The following COL12A1 variants were observed in gnomAD, a reference collection of about 807,000 sequenced individuals.
The protein encoded by COL12A1 is collagen alpha-1(XII) chain.
Under a neutral mutation model 349.7 loss-of-function variants are expected in COL12A1, and 114 were observed. That is an observed-to-expected ratio of 0.33 (90% confidence interval 0.28 to 0.38). COL12A1 has a LOEUF of 0.38. Among genes scored for constraint, COL12A1 ranks in the 10% least tolerant of loss-of-function variants. The pLI, the probability that COL12A1 is intolerant of heterozygous loss-of-function variation, is 1.00. For missense variants in COL12A1, 3,284 were observed against 3,756.9 expected, an observed-to-expected ratio of 0.87 and a Z score of 3.29; for synonymous variants, 1,369 against 1,329.0, an observed-to-expected ratio of 1.03 and a Z score of -0.66.
At chr6:75,102,336 C>T (rs530310744) in intron 56 of COL12A1, among the ~76,000 whole-genome samples, 1 of 152,148 alleles carries the variant, frequency 6.6e-6, no homozygotes, top group African/African-American at 2.4e-5. Context: ...TATAGTTTAA[C>T]ATAGGGGATA....
chr6:75,102,513 T>C, intron 56 of COL12A1, 84 bp downstream of exon 56: 1 of 1,122,820 alleles, frequency 8.9e-7, no homozygotes, highest in Non-Finnish European at 1.2e-6. Context: ...AGAAAACATT[T>C]GATTTGGCAA....
At chr6:75,115,688 C>T (rs1582072999) in intron 49 of COL12A1, 96 bp downstream of exon 49, 2 of 1,446,472 alleles carry the variant, frequency 1.4e-6, no homozygotes, top group South Asian at 2.8e-5. Flanking sequence ...AGTCTTCTGA[C>T]AATTCTAAAG....
Position 75,122,150 on chromosome 6 carries a change from G to T in COL12A1, c.6947-709C>A, listed in dbSNP as rs1486926371. Among the ~76,000 whole-genome samples the T allele has an allele frequency of 2.0e-5, 3 of 152,076 alleles. No individual in the cohort carries two copies. In the South Asian group the frequency reaches 6.2e-4, roughly 31 times the overall value. On this transcript the variant is annotated intron_variant, in intron 43 of 65. Coordinates refer to ENST00000322507, the MANE Select transcript of COL12A1 (RefSeq NM_004370.6). Reference sequence around the variant, plus strand: ...GCCACCGCACCTGGCCAAGTCCTTTGTAAAATTTAAATTAAGCCACTAGAA... The same window carrying T: ...GCCACCGCACCTGGCCAAGTCCTTTTTAAAATTTAAATTAAGCCACTAGAA...
chr6:75,174,291 C>T (rs2149450294), intron 13 of COL12A1, among the ~76,000 whole-genome samples: 1 of 152,282 alleles, frequency 6.6e-6, no homozygotes, highest in East Asian at 1.9e-4. Flanking sequence ...GGCGCGGTGG[C>T]TCAGGCCTGT....
intron 36 of COL12A1, 86 bp downstream of exon 36, chr6:75,130,766 A>AC (rs1049645489): frequency 1.4e-5 from 21 of 1,545,048 alleles, no homozygotes; most frequent in Non-Finnish European, 1.7e-5. Flanking sequence ...ATCTCTCACC[A>AC]CCCCCCTCCC....
rs983845739 is a variant in COL12A1 at position 75,102,045 on chromosome 6, T to C, written c.8423A>G (p.Gln2808Arg). The C allele has an allele frequency of 6.2e-7, 1 of 1,614,108 alleles. No individual in the cohort carries two copies. The highest frequency in any genetic ancestry group is 1.3e-5 in the African/African-American group (1 of 75,060). The stretch of plus-strand genomic sequence containing the variant: ...CTCTCCAGCATCACCTTTCATCCCT[T>C]GGCGACCCTAGAGTGAGCAATGGGA... ...GLSIPGEQGR[Q>R]GMKGDAGEPG... is the part of the protein sequence containing the mutation. Residue 2808 changes from glutamine (Q) to arginine (R), a missense_variant, in exon 57 of 66, where the codon CAA (glutamine) becomes CGA (arginine). By Grantham distance (43) the Gln-to-Arg change is conservative. Around this residue, in one of 2 missense-constraint regions of COL12A1, gnomAD observed 683 missense variants for 932.1 expected, o/e 0.73. Coordinates refer to ENST00000322507, the MANE Select transcript of COL12A1 (RefSeq NM_004370.6).
chr6:75,200,367 G>A (rs1244589724), intron 2 of COL12A1, among the ~76,000 whole-genome samples: 1 of 152,160 alleles, frequency 6.6e-6, no homozygotes, highest in South Asian at 2.1e-4. Flanking sequence ...GAGGCCAGGG[G>A]TTCGAGACCA....
At chr6:75,095,489 C>T (rs1397264975) in intron 59 of COL12A1, among the ~76,000 whole-genome samples, 2 of 151,538 alleles carry the variant, frequency 1.3e-5, no homozygotes, top group Non-Finnish European at 2.9e-5. Flanking sequence ...CGGTGGCGGG[C>T]GCCTGTAGTC....
chr6:75,145,298 A>T, intron 25 of COL12A1, 28 bp downstream of exon 25: 3 of 1,554,120 alleles, frequency 1.9e-6, no homozygotes, highest in Non-Finnish European at 2.6e-6. Flanking sequence ...AGCAATAAGA[A>T]GGGAAATAAA....
rs750550229 is a variant in COL12A1, at chr6:75,133,414, G to C, written c.5673C>G (p.Ile1891Met). 62 of 1,605,278 alleles carry C rather than the reference G, an allele frequency of 3.9e-5. No homozygotes were observed. The highest frequency in any genetic ancestry group is 5.2e-5 in the Non-Finnish European group (61 of 1,177,634). Residue 1891 changes from isoleucine to methionine, a missense_variant, in exon 34 of 66, where the codon ATC becomes ATG. Ile to Met is a conservative substitution (Grantham distance 10, BLOSUM62 1). Coordinates refer to ENST00000322507, the MANE Select transcript of COL12A1 (RefSeq NM_004370.6). ...AAGGPEELVP[I>M]PGNTNYAILR... ...GAATGGCATAATTGGTATTCCCGGG[G>C]ATTGGTACCTAAAGATTTTAATAAA...
Position 75,085,565 on chromosome 6 carries a change from A to T in COL12A1, c.*982T>A, listed in dbSNP as rs182537848. The T allele has an allele frequency of 1.2e-3, 402 of 324,408 alleles. 1 individual carries two copies. The highest frequency in any genetic ancestry group is 8.1e-3 in the African/African-American group (378 of 46,428). 20.1% of individuals were successfully genotyped at this position (324,408 alleles called of 1,614,324 possible). On this transcript the variant is annotated 3_prime_UTR_variant, in exon 66 of 66. Transcript: ENST00000322507. ...TGAAATGGCACTTTCTTAAAAAAAA[A>T]AACCTTCAAAAATCCAGCAGTAAAC...
chr6:75,147,655 A>C lies in COL12A1; in HGVS notation c.4417+20T>G. 6.3e-7 allele frequency: 1 copy of C among 1,576,614 alleles called. No individual in the cohort carries two copies. The highest frequency in any genetic ancestry group is 8.6e-7 in the Non-Finnish European group (1 of 1,165,166). On this transcript the variant is annotated intron_variant, in intron 23 of 65. Coordinates refer to ENST00000322507, the MANE Select transcript of COL12A1 (RefSeq NM_004370.6). Reference sequence around the variant, plus strand: ...CTTGGAAAAGAAAGCAATGAGAAACAATTTTTTAATCTGACTCACAGGTTT... The same window carrying C: ...CTTGGAAAAGAAAGCAATGAGAAACCATTTTTTAATCTGACTCACAGGTTT...
Position 75,138,511 on chromosome 6 carries a change from A to C in COL12A1, c.5167T>G (p.Ser1723Ala). 6.2e-7 allele frequency: 1 copy of C among 1,614,082 alleles called. No homozygotes were observed. The highest frequency in any genetic ancestry group is 1.6e-4 in the Middle Eastern group (1 of 6,062). The part of the protein sequence containing the change: ...NLNPNTIYEV[S>A]ITAIYPDESE... ...TCATCAGGATAGATGGCAGTAATGGAAACTTCATAGATGGTGTTGGGGTTC... is the reference window on the plus strand; with the variant it reads ...TCATCAGGATAGATGGCAGTAATGGCAACTTCATAGATGGTGTTGGGGTTC... The change falls in exon 29 of 66, where the codon TCC becomes GCC. Residue 1723 changes from serine to alanine, a missense_variant. Around this residue, in one of 2 missense-constraint regions of COL12A1, gnomAD observed 2,601 missense variants for 2,824.8 expected, o/e 0.92. Transcript: ENST00000322507.
chr6:75,162,606 G>C (rs1226029931), intron 14 of COL12A1, among the ~76,000 whole-genome samples: 2 of 152,216 alleles, frequency 1.3e-5, no homozygotes, highest in East Asian at 1.9e-4. Flanking sequence ...CATGGGCAAA[G>C]GCTTCATGAC....
chr6:75,091,717 CT>C (rs1374560179), intron 60 of COL12A1, among the ~76,000 whole-genome samples, 192 bp from the exon 61 acceptor site: 1 of 151,140 alleles, frequency 6.6e-6, no homozygotes, highest in Non-Finnish European at 1.5e-5. Flanking sequence ...CTCTCTCTCT[CT>C]TTCTCTCTCT....
At chr6:75,175,514 T>C (rs1768893982) in intron 12 of COL12A1, among the ~76,000 whole-genome samples, 1 of 152,240 alleles carries the variant, frequency 6.6e-6, no homozygotes, top group African/African-American at 2.4e-5. Flanking sequence ...AGGGGAAAGA[T>C]ATTCAGTCCC....
In COL12A1 at chr6:75,117,355, T is replaced by C. The variant is rs752557286; in HGVS notation, c.7519+27A>G. 3.1e-6 allele frequency: 5 copies of C among 1,609,354 alleles called. No homozygotes were observed. In the Admixed American group the frequency reaches 5.0e-5, roughly 16 times the overall value. ...AATTGTTTTTCAGAATAAGTGAGGT[T>C]ATAGATCCATGTTGACTGTGACTTA... On this transcript the variant is annotated intron_variant, in intron 47 of 65. Transcript: ENST00000322507.
At position 75,087,639 on chromosome 6, in the gene COL12A1, G is replaced by A. The variant is rs1239982144; in HGVS notation, c.9119C>T (p.Pro3040Leu). 6.2e-7 allele frequency: 1 copy of A among 1,612,658 alleles called. No individual in the cohort carries two copies. The highest frequency in any genetic ancestry group is 1.3e-5 in the African/African-American group (1 of 74,940). ...CTGAGAAGAATCACAGTATCCAGGAGGACCTGGGGGTCCTCGGATACCTGA... is the reference window on the plus strand; with the variant it reads ...CTGAGAAGAATCACAGTATCCAGGAAGACCTGGGGGTCCTCGGATACCTGA... Reference protein sequence around the residue: ...GNSGIRGPPGPPGYCDSSQCA... With the variant: ...GNSGIRGPPGLPGYCDSSQCA... Residue 3040 changes from proline (P) to leucine (L), a missense_variant, in exon 65 of 66, where the codon CCT (proline) becomes CTT (leucine). Pro to Leu is a moderately conservative substitution (Grantham distance 98). Transcript: ENST00000322507.
At chr6:75,192,927 T>C (rs1162747106) in intron 3 of COL12A1, among the ~76,000 whole-genome samples, 1 of 152,116 alleles carries the variant, frequency 6.6e-6, no homozygotes. Flanking sequence ...TATTTCAAGG[T>C]CCAGTATACT....
Sources: gnomAD v4.1 joint callset for allele counts (sites outside exome capture counted in the v4.1 genomes callset) on GRCh38, gnomAD v4.1.1 for gene constraint, gnomAD v4.1.1 regional missense constraint, MANE v1.5 for transcripts, NCBI Gene and HGNC (gene_info 2026-07-23, HGNC 2026-07-21) for gene names.